Variants in HDX observed in about 807,000 individuals in gnomAD.
The protein encoded by HDX is highly divergent homeobox, also known as chromosome X open reading frame 43.
HDX carries 19 observed loss-of-function variants against 45.2 expected under a neutral mutation model. The observed-to-expected ratio is 0.42, with a 90% CI of 0.29 to 0.62. HDX has a LOEUF of 0.62. Among genes scored for constraint, HDX ranks in the 20% least tolerant of loss-of-function variants. The probability of loss-of-function intolerance (pLI) is 0.20; values close to 1 mark genes in which losing one functional copy is unlikely to be tolerated. For missense variants in HDX, 532 were observed against 493.9 expected (o/e 1.08, Z -0.73); for synonymous variants, 188 against 172.8 (o/e 1.09, Z -0.69).
intron 4 of HDX, among the ~76,000 whole-genome samples, chrX:84,462,151 T>C (rs1258776423): frequency 1.8e-5 from 2 of 111,397 alleles, no homozygotes; most frequent in Non-Finnish European, 3.8e-5. Context: ...ATAAAATCCA[T>C]CAATAAAGGT....
chrX:84,423,500 A>AG (rs59781723), intron 5 of HDX, among the ~76,000 whole-genome samples: 4,972 of 99,254 alleles, frequency 0.05, 197 homozygotes, highest in South Asian at 0.13. Flanking sequence ...AAAAAAAAAA[A>AG]AGAGAGAGAG....
chrX:84,417,868 T>C lies in HDX; in HGVS notation c.1305+22664A>G, dbSNP rs759199256. Among the ~76,000 whole-genome samples the C allele has an allele frequency of 2.7e-5, 3 of 111,771 alleles. No individual in the cohort carries two copies. The South Asian group carries it at 1.1e-3, about 42-fold the overall frequency. On this transcript the variant is annotated intron_variant, in intron 5 of 10. Coordinates refer to ENST00000373177, the MANE Select transcript of HDX (RefSeq NM_001177479.2). ...TACAAGGCTTGGAAAACACACAGAATTGATGCCCTTTCTCTAACGAGAGAG... is the reference window on the plus strand; with the variant it reads ...TACAAGGCTTGGAAAACACACAGAACTGATGCCCTTTCTCTAACGAGAGAG...
intron 9 of HDX, 122 bp from the exon 10 acceptor site, chrX:84,326,422 T>A (rs2036711840): frequency 6.0e-6 from 3 of 503,208 alleles, no homozygotes; most frequent in Non-Finnish European, 6.4e-6. Context: ...AAACAAAATG[T>A]TAACATAAAG....
At chrX:84,494,595 G>A (rs1219852710) in intron 1 of HDX, among the ~76,000 whole-genome samples, 3 of 111,419 alleles carry the variant, frequency 2.7e-5, no homozygotes, top group Non-Finnish European at 3.8e-5. Flanking sequence ...ACCATCAAGT[G>A]GTAAGTAGGT....
chrX:84,441,335 C>T (rs2039757494), intron 4 of HDX, among the ~76,000 whole-genome samples: 1 of 111,429 alleles, frequency 9.0e-6, no homozygotes, highest in African/African-American at 3.3e-5. Flanking sequence ...CCTCTATTTA[C>T]TTTGTAAACT....
chrX:84,434,980 G>C (rs994695453), intron 5 of HDX, among the ~76,000 whole-genome samples: 1 of 109,756 alleles, frequency 9.1e-6, no homozygotes, highest in Non-Finnish European at 1.9e-5. Context: ...TAGTTTTAAT[G>C]ATCCTTTTTA....
intron 1 of HDX, among the ~76,000 whole-genome samples, chrX:84,489,335 T>G (rs887335482): frequency 4.5e-5 from 5 of 111,990 alleles, no homozygotes; most frequent in African/African-American, 1.6e-4. Context: ...AGTTGTTTAG[T>G]AAACAAAACA....
At chrX:84,475,142 G>T (rs2040522006) in intron 3 of HDX, 109 bp downstream of exon 3, 2 of 571,458 alleles carry the variant, frequency 3.5e-6, no homozygotes, top group African/African-American at 4.8e-5. Context: ...GGGAAGTGAA[G>T]CTGTTTATAA....
intron 4 of HDX, among the ~76,000 whole-genome samples, chrX:84,458,504 C>G (rs1208750740): frequency 1.8e-5 from 2 of 111,412 alleles, no homozygotes; most frequent in African/African-American, 6.5e-5. Context: ...ATTGTCAGAC[C>G]CTAGATTTCA....
At chrX:84,442,587 G>A (rs1233500199) in intron 4 of HDX, among the ~76,000 whole-genome samples, 3 of 111,297 alleles carry the variant, frequency 2.7e-5, no homozygotes, top group Non-Finnish European at 3.8e-5. Context: ...GAAGGTGATA[G>A]GAAATTTATT....
chrX:84,360,608 C>T (rs1210728739), intron 6 of HDX, among the ~76,000 whole-genome samples: 1 of 111,197 alleles, frequency 9.0e-6, no homozygotes, highest in Non-Finnish European at 1.9e-5. Context: ...CACCACTAAC[C>T]TATTTTCTGT....
chrX:84,373,915 T>C (rs1489568748), intron 5 of HDX, among the ~76,000 whole-genome samples: 18 of 109,512 alleles, frequency 1.6e-4, no homozygotes, highest in Non-Finnish European at 3.0e-4. Flanking sequence ...CCAGGGCAAT[T>C]AGGCAGAAGA....
intron 6 of HDX, among the ~76,000 whole-genome samples, chrX:84,350,294 G>T (rs1019576708): frequency 9.0e-6 from 1 of 111,183 alleles, no homozygotes; most frequent in South Asian, 3.8e-4. Context: ...TGAAAAGTGT[G>T]TATTTTATTT....
intron 5 of HDX, among the ~76,000 whole-genome samples, chrX:84,424,212 T>C (rs986579538): frequency 9.0e-6 from 1 of 111,365 alleles, no homozygotes; most frequent in African/African-American, 3.3e-5. Flanking sequence ...TGATCCAATT[T>C]ATAATGGACA....
At chrX:84,396,045 A>C (rs935058288) in intron 5 of HDX, among the ~76,000 whole-genome samples, 2 of 111,702 alleles carry the variant, frequency 1.8e-5, no homozygotes, top group Non-Finnish European at 1.9e-5. Flanking sequence ...ATTATTTTCC[A>C]AGATTTTGTA....
chrX:84,411,683 G>A (rs1302931779), intron 5 of HDX, among the ~76,000 whole-genome samples: 2 of 111,186 alleles, frequency 1.8e-5, no homozygotes, highest in Non-Finnish European at 3.8e-5. Flanking sequence ...ATTAATCAAC[G>A]TGATTAAGTG....
intron 5 of HDX, among the ~76,000 whole-genome samples, chrX:84,412,490 T>A (rs1385054282): frequency 8.9e-6 from 1 of 111,994 alleles, no homozygotes; most frequent in Non-Finnish European, 1.9e-5. Flanking sequence ...CAATGCTTAA[T>A]ATAGGCTCCC....
intron 6 of HDX, among the ~76,000 whole-genome samples, chrX:84,349,527 A>G (rs764922909): frequency 3.1e-5 from 3 of 95,660 alleles, no homozygotes; most frequent in Admixed American, 2.4e-4. Flanking sequence ...GTGTGTGTGT[A>G]TATATATATA....
intron 3 of HDX, among the ~76,000 whole-genome samples, chrX:84,469,944 G>A (rs1248741106): frequency 9.0e-6 from 1 of 111,631 alleles, no homozygotes; most frequent in Non-Finnish European, 1.9e-5. Context: ...ATGCAATGAT[G>A]TTCATCATAT....
Sources: gnomAD v4.1 joint callset for allele counts (sites outside exome capture counted in the v4.1 genomes callset) on GRCh38, gnomAD v4.1.1 for gene constraint, MANE v1.5 for transcripts, NCBI Gene and HGNC (gene_info 2026-07-23, HGNC 2026-07-21) for gene names.